UBE2G1: variants seen among roughly 807,000 people sequenced by gnomAD.
UBE2G1 encodes ubiquitin-conjugating enzyme E2 G1.
A neutral mutation model predicts 22.7 loss-of-function variants in UBE2G1; 5 were observed. The observed-to-expected ratio is 0.22, with a 90% CI of 0.12 to 0.46. The LOEUF is 0.46. UBE2G1 is among the 20% of genes least tolerant of loss of function. The probability of loss-of-function intolerance (pLI) is 0.99; values close to 1 mark genes in which losing one functional copy is unlikely to be tolerated. For missense variants in UBE2G1, 88 were observed against 203.9 expected (o/e 0.43, Z 3.46); for synonymous variants, 74 against 67.5 (o/e 1.10, Z -0.47).
chr17:4,336,857 T>C lies in UBE2G1; in HGVS notation c.46+29414A>G, dbSNP rs537208738. On this transcript the variant is annotated intron_variant, in intron 1 of 5. Coordinates refer to ENST00000396981, the MANE Select transcript of UBE2G1 (RefSeq NM_003342.5). ...ATCATTTCCTGAAAGATCAAATACA[T>C]AAACGACAAAATGGCTGAACATGTG... Among the ~76,000 whole-genome samples the C allele has an allele frequency of 6.6e-5, 10 of 152,188 alleles. No homozygotes were observed. In the South Asian group the frequency reaches 2.1e-3, roughly 32 times the overall value.
At chr17:4,354,364 GC>G (rs1969880047) in intron 1 of UBE2G1, among the ~76,000 whole-genome samples, 1 of 152,096 alleles carries the variant, frequency 6.6e-6, no homozygotes, top group Non-Finnish European at 1.5e-5. Context: ...CATCAAACTT[GC>G]TGATTTAAGA....
At chr17:4,366,134 G>C in intron 1 of UBE2G1, 137 bp downstream of exon 1, 3 of 886,618 alleles carry the variant, frequency 3.4e-6, no homozygotes, top group Non-Finnish European at 4.7e-6. Context: ...GGCCGGGACC[G>C]GAGCCTCGAG....
chr17:4,317,329 G>A (rs916301964), intron 1 of UBE2G1, among the ~76,000 whole-genome samples: 3 of 152,094 alleles, frequency 2.0e-5, no homozygotes, highest in Non-Finnish European at 4.4e-5. Context: ...CAGCCTAGGC[G>A]ACAAGAGCGA....
At chr17:4,275,030 A>G (rs115492370) in intron 5 of UBE2G1, among the ~76,000 whole-genome samples, 1,681 of 150,664 alleles carry the variant, frequency 0.011, 38 homozygotes, top group African/African-American at 0.039. Context: ...CTTGTCTCAA[A>G]AAAGGAACAG....
chr17:4,332,869 C>T (rs1291566954), intron 1 of UBE2G1, among the ~76,000 whole-genome samples: 1 of 152,108 alleles, frequency 6.6e-6, no homozygotes, highest in East Asian at 1.9e-4. Context: ...CACCCCCTTA[C>T]ACACTCCTTA....
intron 1 of UBE2G1, among the ~76,000 whole-genome samples, chr17:4,325,997 C>G (rs1049500605): frequency 6.6e-6 from 1 of 151,924 alleles, no homozygotes; most frequent in African/African-American, 2.4e-5. Flanking sequence ...AACGTAAGAG[C>G]TAAAACTTTA....
intron 2 of UBE2G1, among the ~76,000 whole-genome samples, chr17:4,303,345 T>C (rs1969208896): frequency 6.6e-6 from 1 of 152,204 alleles, no homozygotes; most frequent in Non-Finnish European, 1.5e-5. Context: ...CGAATTATAA[T>C]TGACATTTAC....
chr17:4,305,854 T>C (rs1005390576), intron 2 of UBE2G1, among the ~76,000 whole-genome samples: 2 of 152,176 alleles, frequency 1.3e-5, no homozygotes, highest in African/African-American at 4.8e-5. Flanking sequence ...CAGATGCATC[T>C]TACAAAACAA....
chr17:4,278,847 G>T (rs1463009576), intron 5 of UBE2G1, among the ~76,000 whole-genome samples: 1 of 152,186 alleles, frequency 6.6e-6, no homozygotes, highest in Admixed American at 6.5e-5. Flanking sequence ...CTAGAAACCA[G>T]AGATATCAAA....
chr17:4,364,618 T>C (rs139190963), intron 1 of UBE2G1, among the ~76,000 whole-genome samples: 7 of 144,018 alleles, frequency 4.9e-5, no homozygotes, highest in Non-Finnish European at 1.1e-4. Flanking sequence ...TCTCGCTCTG[T>C]TGCCCAGGCT....
At chr17:4,353,452 T>G (rs1329605004) in intron 1 of UBE2G1, among the ~76,000 whole-genome samples, 3 of 133,590 alleles carry the variant, frequency 2.2e-5, no homozygotes, top group Non-Finnish European at 3.2e-5. Context: ...TTCGTTGATA[T>G]ATATATATAT....
intron 1 of UBE2G1, among the ~76,000 whole-genome samples, chr17:4,360,161 GAA>G (rs1468908191): frequency 6.6e-6 from 1 of 151,936 alleles, no homozygotes; most frequent in Non-Finnish European, 1.5e-5. Context: ...TTCCTTCTCT[GAA>G]AAGTTATTTC....
chr17:4,318,753 T>C (rs965133174), intron 1 of UBE2G1, among the ~76,000 whole-genome samples: 22 of 152,136 alleles, frequency 1.4e-4, no homozygotes, highest in Non-Finnish European at 3.1e-4. Context: ...CCCCACATTA[T>C]ACGGGGCAAA....
chr17:4,347,216 A>G (rs1969787705), intron 1 of UBE2G1, among the ~76,000 whole-genome samples: 2 of 152,240 alleles, frequency 1.3e-5, no homozygotes, highest in Non-Finnish European at 1.5e-5. Context: ...GGGACCAAAA[A>G]CATTCTGGAT....
At chr17:4,342,608 C>T (rs183159262) in intron 1 of UBE2G1, among the ~76,000 whole-genome samples, 9 of 152,240 alleles carry the variant, frequency 5.9e-5, no homozygotes, top group Admixed American at 2.0e-4. Context: ...TTCTATTCCA[C>T]CAGCAAATTC....
rs1261464643 is a variant in UBE2G1, at chr17:4,269,844, A to G, written c.*2710T>C. On this transcript the variant is annotated 3_prime_UTR_variant, in exon 6 of 6. Transcript: ENST00000396981. Reference sequence around the variant, plus strand: ...GGTTGGCACAAGTTTAGGGGGAAAAATCATTTTCCTAAAGCAGAGAGGAAT... The same window carrying G: ...GGTTGGCACAAGTTTAGGGGGAAAAGTCATTTTCCTAAAGCAGAGAGGAAT... 3 of 170,270 alleles carry G rather than the reference A, an allele frequency of 1.8e-5. No individual in the cohort carries two copies. The highest frequency in any genetic ancestry group is 7.2e-5 in the African/African-American group (3 of 41,538). 10.5% of individuals were successfully genotyped at this position (170,270 alleles called of 1,614,324 possible). A position where few individuals can be genotyped will look rare whatever the true frequency, so the allele number is the denominator to read the frequency against.
intron 1 of UBE2G1, chr17:4,335,283 TAAAG>T (rs951930797): frequency 3.9e-5 from 6 of 151,952 alleles, no homozygotes; most frequent in Non-Finnish European, 8.8e-5. Context: ...ACTTCAAGGA[TAAAG>T]AAAGAATTCT....
intron 1 of UBE2G1, among the ~76,000 whole-genome samples, chr17:4,316,137 T>C (rs1334232116): frequency 6.6e-6 from 1 of 152,120 alleles, no homozygotes; most frequent in Non-Finnish European, 1.5e-5. Flanking sequence ...TAAGTCTAAC[T>C]TCTACAAAGC....
intron 3 of UBE2G1, among the ~76,000 whole-genome samples, chr17:4,294,142 C>T (rs977602542): frequency 3.3e-5 from 5 of 152,088 alleles, no homozygotes; most frequent in Admixed American, 2.6e-4. Context: ...TAAGACCAGG[C>T]GCGTGGCTCA....
Sources: gnomAD v4.1 joint callset for allele counts (sites outside exome capture counted in the v4.1 genomes callset) on GRCh38, gnomAD v4.1.1 for gene constraint, MANE v1.5 for transcripts, NCBI Gene and HGNC (gene_info 2026-07-23, HGNC 2026-07-21) for gene names.